INSR: variants seen among roughly 807,000 people sequenced by gnomAD.
The protein encoded by INSR is insulin receptor, also known as IR.
INSR carries 67 observed loss-of-function variants against 142.6 expected under a neutral mutation model. The ratio of observed to expected loss-of-function variants is 0.47; its 90% confidence interval spans 0.39 to 0.58. The LOEUF is 0.58. INSR is among the 20% of genes least tolerant of loss of function. The pLI, the probability that INSR is intolerant of heterozygous loss-of-function variation, is 0.00. For missense variants in INSR, 1,248 were observed against 1,833.2 expected (o/e 0.68, Z 5.83); for synonymous variants, 756 against 743.1 (o/e 1.02, Z -0.28).
chr19:7,233,748 T>TAACTG (rs1171044292), intron 2 of INSR, among the ~76,000 whole-genome samples: 1 of 130,016 alleles, frequency 7.7e-6, no homozygotes, highest in Non-Finnish European at 1.6e-5. Context: ...CGATCTCCGC[T>TAACTG]CACTGCAAGC....
At chr19:7,287,572 G>A (rs1361244679) in intron 1 of INSR, among the ~76,000 whole-genome samples, 1 of 152,136 alleles carries the variant, frequency 6.6e-6, no homozygotes, top group Non-Finnish European at 1.5e-5. Context: ...TTGAGAGCAT[G>A]AAATCCTCAT....
intron 1 of INSR, 28 bp downstream of exon 1, chr19:7,293,764 C>CCGCCCA (rs750094813): frequency 7.5e-7 from 1 of 1,326,962 alleles, no homozygotes; most frequent in African/African-American, 1.5e-5. Flanking sequence ...GCGGCGCTCC[C>CCGCCCA]CGCCCACGCC....
intron 1 of INSR, chr19:7,268,510 C>T (rs1169300807): frequency 1.0e-6 from 1 of 985,168 alleles, no homozygotes; most frequent in Non-Finnish European, 1.2e-6. Context: ...GGCCCCAACG[C>T]CCACCATGGC....
rs780620492 is a variant in INSR at position 7,293,780 on chromosome 19, C to G, written c.100+12G>C. ...CGGCGCTCCCCGCCCACGCCCGCGCCCCCAGACTCACCCTCTCCGGGGTAC... is the reference window on the plus strand; with the variant it reads ...CGGCGCTCCCCGCCCACGCCCGCGCGCCCAGACTCACCCTCTCCGGGGTAC... On this transcript the variant is annotated intron_variant, in intron 1 of 21. Coordinates refer to ENST00000302850, the MANE Select transcript of INSR (RefSeq NM_000208.4). The G allele has an allele frequency of 2.9e-6, 4 of 1,356,206 alleles. No homozygotes were observed. 84.0% of individuals were successfully genotyped at this position (1,356,206 alleles called of 1,614,324 possible). A position where few individuals can be genotyped will look rare whatever the true frequency, so the allele number is the denominator to read the frequency against.
chr19:7,126,558 A>G, intron 16 of INSR, 26 bp downstream of exon 16: 1 of 1,546,342 alleles, frequency 6.5e-7, no homozygotes, highest in South Asian at 1.2e-5. Flanking sequence ...GGTTCTGGCC[A>G]CCCACAGGGA....
At position 7,252,844 on chromosome 19, in the gene INSR, G is replaced by A. The variant is rs369198204; in HGVS notation, c.652+14501C>T. On this transcript the variant is annotated intron_variant, in intron 2 of 21. Coordinates refer to ENST00000302850, the MANE Select transcript of INSR (RefSeq NM_000208.4). Reference sequence around the variant, plus strand: ...GGATAAAGAAGCCACAGCCAGGCGCGGTGGCTCACGCCTGTAATCCCAGCA... The same window carrying A: ...GGATAAAGAAGCCACAGCCAGGCGCAGTGGCTCACGCCTGTAATCCCAGCA... Among the ~76,000 whole-genome samples the A allele has an allele frequency of 4.6e-5, 7 of 152,054 alleles. No individual in the cohort carries two copies. The East Asian group carries it at 9.6e-4, about 21-fold the overall frequency.
Position 7,141,767 on chromosome 19 carries a change from G to T in INSR, c.2592C>A (p.Asn864Lys). 3.1e-6 allele frequency: 5 copies of T among 1,614,162 alleles called. No homozygotes were observed. The South Asian group carries it at 4.4e-5, about 14-fold the overall frequency. ...VGPVTHEIFE[N>K]NVVHLMWQEP... ...CCTGCCACATCAAGTGGACGACGTT[G>T]TTCTCAAAGATTTCATGCGTCACAG... Residue 864 changes from asparagine (N) to lysine (K), a missense_variant, in exon 13 of 22, where the codon AAC becomes AAA. Coordinates refer to ENST00000302850, the MANE Select transcript of INSR (RefSeq NM_000208.4).
chr19:7,169,356 G>A (rs1392263928), intron 6 of INSR, among the ~76,000 whole-genome samples: 1 of 151,900 alleles, frequency 6.6e-6, no homozygotes. Context: ...GATCACCTGA[G>A]GTCAGGAGTT....
At chr19:7,207,901 A>AAGGAAGGAAGG (rs1555752220) in intron 2 of INSR, among the ~76,000 whole-genome samples, 1 of 72,746 alleles carries the variant, frequency 1.4e-5, no homozygotes, top group African/African-American at 5.2e-5. Context: ...GGAAGGAAGG[A>AAGGAAGGAAGG]AAGGAAGGAA....
At chr19:7,231,493 G>A (rs1198581549) in intron 2 of INSR, among the ~76,000 whole-genome samples, 1 of 151,806 alleles carries the variant, frequency 6.6e-6, no homozygotes, top group Non-Finnish European at 1.5e-5. Flanking sequence ...TAGAGACAGG[G>A]TTTCACCATG....
intron 7 of INSR, 24 bp downstream of exon 7, chr19:7,167,944 C>T (rs756510733): frequency 1.1e-5 from 18 of 1,613,484 alleles, no homozygotes; most frequent in Middle Eastern, 1.7e-4. Flanking sequence ...GCCTCCTCAG[C>T]GTCTCTCTAA....
At chr19:7,176,030 C>T (rs887371135) in intron 3 of INSR, among the ~76,000 whole-genome samples, 1 of 152,134 alleles carries the variant, frequency 6.6e-6, no homozygotes, top group African/African-American at 2.4e-5. Flanking sequence ...TCCTGCTGGA[C>T]CCCACAGTGA....
rs552409744 is a variant in INSR at position 7,254,515 on chromosome 19, C to G, written c.652+12830G>C. On this transcript the variant is annotated intron_variant, in intron 2 of 21. Coordinates refer to ENST00000302850, the MANE Select transcript of INSR (RefSeq NM_000208.4). ...CTGCACTGCAGCCTGGGTGACAGAG[C>G]AAGACCCCATCTCAAAAACAAACAA... 6.2e-4 allele frequency among the ~76,000 whole-genome samples: 95 copies of G among 152,096 alleles called. 1 individual carries two copies. Among genetic ancestry groups the G allele is most frequent in the South Asian group, 5.8e-3 (28 of 4,810 alleles).
Position 7,116,559 on chromosome 19 carries a change from A to G in INSR, c.*497T>C, listed in dbSNP as rs1220091470. On this transcript the variant is annotated 3_prime_UTR_variant, in exon 22 of 22. Transcript: ENST00000302850. ...CTGGATGAGAGAAAAAAAAAAAACCAAAAAAACCATCTTGAAGCTCAACCT... is the reference window on the plus strand; with the variant it reads ...CTGGATGAGAGAAAAAAAAAAAACCGAAAAAACCATCTTGAAGCTCAACCT... The G allele has an allele frequency of 6.6e-6, 1 of 151,962 alleles. No homozygotes were observed. Among genetic ancestry groups the G allele is most frequent in the East Asian group, 1.9e-4 (1 of 5,190 alleles). 9.4% of individuals were successfully genotyped at this position (151,962 alleles called of 1,614,324 possible).
rs75593106 is a variant in INSR, at chr19:7,162,938, A to G, written c.2029+94T>C. On this transcript the variant is annotated intron_variant, in intron 9 of 21. Coordinates refer to ENST00000302850, the MANE Select transcript of INSR (RefSeq NM_000208.4). ...TGTGTGCCTTCCGACACTGAGACAC[A>G]GGAAGAGATAGCTGCTTCCCTAGAG... The G allele has an allele frequency of 2.2e-3, 2,617 of 1,200,986 alleles. 42 individuals carry two copies. In the African/African-American group the frequency reaches 0.035, roughly 16 times the overall value. The allele number at this position is 1,200,986 out of a possible 1,614,324, so 74.4% of individuals were successfully genotyped here. A position where few individuals can be genotyped will look rare whatever the true frequency, so the allele number is the denominator to read the frequency against.
At position 7,250,584 on chromosome 19, in the gene INSR, GGGAA is replaced by G. The variant is rs752580974; in HGVS notation, c.652+16757_652+16760del. Among the ~76,000 whole-genome samples, 330 of 136,518 alleles carry G rather than the reference GGGAA, an allele frequency of 2.4e-3. 1 individual carries two copies. Among genetic ancestry groups the G allele is most frequent in the African/African-American group, 8.4e-3 (309 of 36,918 alleles). The allele number at this position is 136,518 out of a possible 152,430, so 89.6% of individuals were successfully genotyped here. A position where few individuals can be genotyped will look rare whatever the true frequency, so the allele number is the denominator to read the frequency against. On this transcript the variant is annotated intron_variant, in intron 2 of 21. Transcript: ENST00000302850. ...TAAAGAAAAAGGAAGGAAGGAGGGA[GGGAA>G]GGAAGGAAGGAGAGGAGGGAGGGAG...
chr19:7,150,621 C>A lies in INSR; in HGVS notation c.2232-89G>T. ...CTGACACTTGGAGGCCACATGTGTC[C>A]GAGTAAGGGCACCCTGGCTTTGACC... On this transcript the variant is annotated intron_variant, in intron 10 of 21. Transcript: ENST00000302850. The surrounding 1 kb of genome is among the most constrained non-coding windows in gnomAD (Gnocchi z 4.2). 1.6e-6 allele frequency: 2 copies of A among 1,245,154 alleles called. No homozygotes were observed. Among genetic ancestry groups the A allele is most frequent in the Non-Finnish European group, 2.4e-6 (2 of 850,198 alleles). 77.1% of individuals were successfully genotyped at this position (1,245,154 alleles called of 1,614,324 possible).
chr19:7,261,988 C>G (rs1977079795), intron 2 of INSR, among the ~76,000 whole-genome samples: 1 of 152,160 alleles, frequency 6.6e-6, no homozygotes, highest in Admixed American at 6.6e-5. Flanking sequence ...CCTGATGCTT[C>G]CAGAAGCTGC....
chr19:7,227,334 G>A (rs996096793), intron 2 of INSR, among the ~76,000 whole-genome samples: 1 of 151,058 alleles, frequency 6.6e-6, no homozygotes, highest in Non-Finnish European at 1.5e-5. Flanking sequence ...GTGCAGTGGC[G>A]TGATCACAGC....
Sources: gnomAD v4.1 joint callset for allele counts (sites outside exome capture counted in the v4.1 genomes callset) on GRCh38, gnomAD v4.1.1 for gene constraint, Gnocchi (gnomAD v3.1) non-coding constraint, MANE v1.5 for transcripts, NCBI Gene and HGNC (gene_info 2026-07-23, HGNC 2026-07-21) for gene names.